Variants in POU2F1 observed in about 807,000 individuals in gnomAD.
The protein encoded by POU2F1 is POU class 2 homeobox 1.
Under a neutral mutation model 84.9 loss-of-function variants are expected in POU2F1, and 16 were observed. The ratio of observed to expected loss-of-function variants is 0.19; its 90% CI spans 0.13 to 0.29. POU2F1 has a LOEUF of 0.29. Ranked by LOEUF, POU2F1 falls within the 10% of genes least tolerant of loss-of-function variation. POU2F1 has a pLI of 1.00. For missense variants in POU2F1, 738 were observed against 942.6 expected (o/e 0.78, Z 2.84); for synonymous variants, 368 against 368.3 (o/e 1.00, Z 0.01).
chr1:167,400,110 A>G (rs956917911), intron 12 of POU2F1, among the ~76,000 whole-genome samples: 8 of 149,302 alleles, frequency 5.4e-5, no homozygotes, highest in Non-Finnish European at 1.0e-4. Context: ...CAGCCTCCCA[A>G]AGTAGCTGGG....
At chr1:167,297,926 C>G (rs1654399955) in intron 1 of POU2F1, among the ~76,000 whole-genome samples, 1 of 151,932 alleles carries the variant, frequency 6.6e-6, no homozygotes. Context: ...TCAAGACCAG[C>G]CTTACCAATG....
chr1:167,353,989 A>G (rs1217472473), intron 2 of POU2F1, among the ~76,000 whole-genome samples: 2 of 152,156 alleles, frequency 1.3e-5, no homozygotes, highest in African/African-American at 4.8e-5. Context: ...CATTACTTAG[A>G]TTTGCCTGTT....
intron 1 of POU2F1, among the ~76,000 whole-genome samples, chr1:167,321,561 G>A (rs971529447): frequency 6.6e-6 from 1 of 152,150 alleles, no homozygotes; most frequent in Non-Finnish European, 1.5e-5. Context: ...GGAGGAAAAT[G>A]TTGGAGCTAT....
At chr1:167,231,772 A>G (rs1649078075) in intron 1 of POU2F1, among the ~76,000 whole-genome samples, 1 of 152,192 alleles carries the variant, frequency 6.6e-6, no homozygotes, top group Admixed American at 6.5e-5. Flanking sequence ...GGGGACTGCT[A>G]ATCTGGACAA....
At chr1:167,354,384 C>T (rs1312664698) in intron 2 of POU2F1, among the ~76,000 whole-genome samples, 2 of 152,070 alleles carry the variant, frequency 1.3e-5, no homozygotes, top group African/African-American at 2.4e-5. Flanking sequence ...CTCGGCCTCC[C>T]GGGTTCAAGC....
At chr1:167,265,516 G>A (rs768233901) in intron 1 of POU2F1, among the ~76,000 whole-genome samples, 39 of 152,228 alleles carry the variant, frequency 2.6e-4, no homozygotes, top group Non-Finnish European at 3.7e-4. Context: ...GCAGCAGCAT[G>A]TGGTGAAGGT....
At chr1:167,371,240 C>T (rs1659982672) in intron 4 of POU2F1, among the ~76,000 whole-genome samples, 1 of 152,182 alleles carries the variant, frequency 6.6e-6, no homozygotes, top group South Asian at 2.1e-4. Flanking sequence ...CAGTCCTGCA[C>T]TGTAATTATC....
chr1:167,274,164 C>G (rs937673293), intron 1 of POU2F1, among the ~76,000 whole-genome samples: 1 of 152,166 alleles, frequency 6.6e-6, no homozygotes, highest in Admixed American at 6.5e-5. Flanking sequence ...GAAGGTTACT[C>G]TATGCAGAAC....
chr1:167,313,876 C>G (rs1401341444), intron 1 of POU2F1, among the ~76,000 whole-genome samples: 1 of 152,086 alleles, frequency 6.6e-6, no homozygotes, highest in African/African-American at 2.4e-5. Flanking sequence ...AAAGAACTTT[C>G]AAAATTCAAC....
intron 9 of POU2F1, among the ~76,000 whole-genome samples, chr1:167,391,640 G>A (rs2101897153): frequency 7.1e-6 from 1 of 140,000 alleles, no homozygotes; most frequent in South Asian, 2.3e-4. Context: ...CATGATCACG[G>A]CTCACTGCAG....
At chr1:167,328,923 A>C in intron 1 of POU2F1, 4 of 578,754 alleles carry the variant, frequency 6.9e-6, no homozygotes, top group Non-Finnish European at 9.0e-6. Flanking sequence ...GCGCATACTG[A>C]TTAAGCTTCA....
intron 1 of POU2F1, among the ~76,000 whole-genome samples, chr1:167,325,404 C>T (rs949309495): frequency 6.6e-6 from 1 of 152,028 alleles, no homozygotes; most frequent in Non-Finnish European, 1.5e-5. Context: ...GTACAAATGG[C>T]TATTCATATA....
chr1:167,291,572 A>G (rs2102534470), intron 1 of POU2F1, among the ~76,000 whole-genome samples: 1 of 152,324 alleles, frequency 6.6e-6, no homozygotes. Flanking sequence ...GAAGGGATCC[A>G]GAGAGTATGG....
At chr1:167,233,160 G>A (rs1649192087) in intron 1 of POU2F1, among the ~76,000 whole-genome samples, 3 of 147,844 alleles carry the variant, frequency 2.0e-5, no homozygotes, top group Admixed American at 2.0e-4. Context: ...TTTTTAAGTA[G>A]GGTCTAGCTC....
At chr1:167,387,601 C>T (rs1192382649) in intron 8 of POU2F1, among the ~76,000 whole-genome samples, 1 of 152,168 alleles carries the variant, frequency 6.6e-6, no homozygotes, top group Non-Finnish European at 1.5e-5. Flanking sequence ...AGGTAAAGGT[C>T]AGGCTTATAT....
chr1:167,414,419 T>A, intron 15 of POU2F1: 3 of 985,460 alleles, frequency 3.0e-6, no homozygotes, highest in Non-Finnish European at 3.6e-6. Flanking sequence ...GTACTATTTG[T>A]ATGAGCAAGG....
chr1:167,323,831 TA>T (rs1656501425), intron 1 of POU2F1, among the ~76,000 whole-genome samples: 1 of 152,182 alleles, frequency 6.6e-6, no homozygotes, highest in Non-Finnish European at 1.5e-5. Flanking sequence ...TAGTTGGGAC[TA>T]TAGGCGCATG....
intron 1 of POU2F1, among the ~76,000 whole-genome samples, chr1:167,322,541 C>T (rs536387495): frequency 2.3e-4 from 35 of 152,306 alleles, no homozygotes; most frequent in African/African-American, 3.4e-4. Context: ...CCGGCTGTGG[C>T]GGGGGACAGG....
chr1:167,400,906 T>C (rs183991205), intron 12 of POU2F1, among the ~76,000 whole-genome samples: 1 of 152,228 alleles, frequency 6.6e-6, no homozygotes, highest in African/African-American at 2.4e-5. Flanking sequence ...GAGATAGTTA[T>C]GAAAAAGATA....
Sources: allele counts gnomAD v4.1 joint callset (sites outside exome capture counted in the v4.1 genomes callset), GRCh38; gene constraint gnomAD v4.1.1; transcripts MANE v1.5; gene names NCBI Gene and HGNC (gene_info 2026-07-23, HGNC 2026-07-21).